SNTG2: variants seen among roughly 807,000 people sequenced by gnomAD.
SNTG2 encodes gamma-2-syntrophin.
SNTG2 carries 74 observed loss-of-function variants against 70.9 expected under a neutral mutation model. That is an observed-to-expected ratio of 1.04 (90% CI 0.86 to 1.27). The LOEUF is 1.27. Ranked by LOEUF, SNTG2 falls within the 50% of genes most tolerant of loss-of-function variation. SNTG2 has a pLI of 0.00. For missense variants in SNTG2, 717 were observed against 690.7 expected (o/e 1.04, Z -0.43); for synonymous variants, 278 against 273.8 (o/e 1.02, Z -0.15).
intron 9 of SNTG2, among the ~76,000 whole-genome samples, chr2:1,232,785 C>T (rs577377776): frequency 3.9e-5 from 6 of 152,114 alleles, no homozygotes; most frequent in Non-Finnish European, 5.9e-5. Context: ...AATATGTGAA[C>T]GAAATTTCAA....
intron 1 of SNTG2, among the ~76,000 whole-genome samples, chr2:955,960 C>T (rs1558276459): frequency 9.7e-6 from 1 of 103,224 alleles, no homozygotes; most frequent in Non-Finnish European, 2.5e-5. Context: ...GCCTTCCCTG[C>T]CCCTGCCCCT....
intron 1 of SNTG2, among the ~76,000 whole-genome samples, chr2:993,050 C>T (rs1444356930): frequency 6.8e-6 from 1 of 146,910 alleles, no homozygotes; most frequent in African/African-American, 2.5e-5. Flanking sequence ...GTTGGTCATA[C>T]AGTTGGTCTT....
chr2:1,146,287 C>T (rs904907009), intron 6 of SNTG2, among the ~76,000 whole-genome samples: 6 of 152,070 alleles, frequency 3.9e-5, no homozygotes, highest in Non-Finnish European at 8.8e-5. Flanking sequence ...ATTTAAAAAG[C>T]ACAATACCAT....
At chr2:1,006,677 G>C (rs1487153614) in intron 1 of SNTG2, among the ~76,000 whole-genome samples, 3 of 152,156 alleles carry the variant, frequency 2.0e-5, no homozygotes, top group African/African-American at 7.2e-5. Context: ...TATTGTAACA[G>C]TGTTGTTATG....
chr2:1,347,117 C>G (rs559569813), intron 16 of SNTG2, among the ~76,000 whole-genome samples: 3 of 152,244 alleles, frequency 2.0e-5, no homozygotes, highest in African/African-American at 7.2e-5. Flanking sequence ...GCTCAGTACT[C>G]GGAACAGGAA....
At chr2:1,150,755 T>G (rs987615281) in intron 6 of SNTG2, among the ~76,000 whole-genome samples, 11 of 152,188 alleles carry the variant, frequency 7.2e-5, no homozygotes, top group Admixed American at 1.3e-4. Flanking sequence ...TATCTATGCC[T>G]GAGAGACTTC....
In SNTG2 at chr2:1,237,885, C is replaced by A; in HGVS notation, c.720-3C>A. 6.3e-7 allele frequency: 1 copy of A among 1,598,536 alleles called. No individual in the cohort carries two copies. The highest frequency in any genetic ancestry group is 2.3e-5 in the East Asian group (1 of 43,982). ...CCTCCTGGACAGCTCTCTCCCTCCC[C>A]AGGTGGAATGCGTTCGAGGTGCTCG... is the stretch of plus-strand genomic sequence containing the variant. On this transcript the variant is annotated splice_region_variant and splice_polypyrimidine_tract_variant and intron_variant, in intron 9 of 16. Coordinates refer to ENST00000308624, the MANE Select transcript of SNTG2 (RefSeq NM_018968.4).
At chr2:1,234,866 C>G (rs1425788803) in intron 9 of SNTG2, among the ~76,000 whole-genome samples, 1 of 152,190 alleles carries the variant, frequency 6.6e-6, no homozygotes, top group Non-Finnish European at 1.5e-5. Flanking sequence ...GACTCAGATT[C>G]CTTCTCACCA....
intron 16 of SNTG2, among the ~76,000 whole-genome samples, chr2:1,366,173 CAAAAT>C (rs1661471069): frequency 6.6e-6 from 1 of 152,134 alleles, no homozygotes; most frequent in African/African-American, 2.4e-5. Context: ...GCAGTCACCT[CAAAAT>C]AAATTTTATT....
chr2:1,125,921 A>G (rs1667672433), intron 4 of SNTG2, among the ~76,000 whole-genome samples: 1 of 152,188 alleles, frequency 6.6e-6, no homozygotes, highest in African/African-American at 2.4e-5. Flanking sequence ...GCTTCAATAC[A>G]TACAATTTAT....
intron 1 of SNTG2, among the ~76,000 whole-genome samples, chr2:1,006,304 G>A (rs7422920): frequency 0.091 from 13,628 of 149,026 alleles, 812 homozygotes; most frequent in South Asian, 0.21. Flanking sequence ...TAAAACTTAA[G>A]GTATAATTAA....
At chr2:1,279,623 T>A (rs945751365) in intron 14 of SNTG2, among the ~76,000 whole-genome samples, 7 of 152,230 alleles carry the variant, frequency 4.6e-5, no homozygotes, top group Non-Finnish European at 5.9e-5. Flanking sequence ...AAGTTTTCTT[T>A]CATTTGCTAT....
chr2:1,215,076 C>T (rs1214379589), intron 9 of SNTG2, among the ~76,000 whole-genome samples: 1 of 141,506 alleles, frequency 7.1e-6, no homozygotes, highest in Admixed American at 6.7e-5. Flanking sequence ...GCATCCAAGG[C>T]ATGAATCCCA....
At chr2:1,266,507 C>A (rs1232352916) in intron 13 of SNTG2, among the ~76,000 whole-genome samples, 1 of 152,188 alleles carries the variant, frequency 6.6e-6, no homozygotes, top group Non-Finnish European at 1.5e-5. Context: ...TTCCCTTTGT[C>A]AGGCCTTTGG....
At chr2:1,086,399 C>G (rs1664688876) in intron 2 of SNTG2, among the ~76,000 whole-genome samples, 1 of 152,162 alleles carries the variant, frequency 6.6e-6, no homozygotes, top group East Asian at 1.9e-4. Context: ...AACAATCTGT[C>G]CCTTAGAAAG....
chr2:1,126,746 A>G (rs1463104031), intron 4 of SNTG2, among the ~76,000 whole-genome samples: 1 of 152,018 alleles, frequency 6.6e-6, no homozygotes, highest in East Asian at 1.9e-4. Context: ...GCATTTTTTC[A>G]TATATTTAGT....
rs1308737614 is a variant in SNTG2, at chr2:1,303,795, G to C, written c.1285-4699G>C. The stretch of plus-strand genomic sequence containing the variant: ...ATGAAATGGGATATCACTACAGACT[G>C]TGTAAACTTCGACAGGATAATGAAA... On this transcript the variant is annotated intron_variant, in intron 14 of 16. Transcript: ENST00000308624. Among the ~76,000 whole-genome samples the C allele has an allele frequency of 3.9e-5, 6 of 152,190 alleles. No individual in the cohort carries two copies. The East Asian group carries it at 1.2e-3, about 29-fold the overall frequency.
In SNTG2 at chr2:973,468, C is replaced by T. The variant is rs548736514; in HGVS notation, c.72+22400C>T. On this transcript the variant is annotated intron_variant, in intron 1 of 16. Transcript: ENST00000308624. ...TTGTTGAGTTTTTGCCATTGAGGGA[C>T]GGGCGTATTAACCTGTTTGGGATTC... Among the ~76,000 whole-genome samples, 37 of 150,426 alleles carry T rather than the reference C, an allele frequency of 2.5e-4. No homozygotes were observed. The South Asian group carries it at 6.7e-3, about 27-fold the overall frequency.
At chr2:1,148,937 C>T (rs553519819) in intron 6 of SNTG2, among the ~76,000 whole-genome samples, 5 of 152,232 alleles carry the variant, frequency 3.3e-5, no homozygotes, top group Admixed American at 6.5e-5. Context: ...ACAGGAGTCT[C>T]GAGGTTTCAC....
Sources: gnomAD v4.1 joint callset for allele counts (sites outside exome capture counted in the v4.1 genomes callset) on GRCh38, gnomAD v4.1.1 for gene constraint, MANE v1.5 for transcripts, NCBI Gene and HGNC (gene_info 2026-07-23, HGNC 2026-07-21) for gene names.